ROBO2: variants seen among roughly 807,000 people sequenced by gnomAD.
The protein encoded by ROBO2 is roundabout guidance receptor 2, also known as roundabout homolog 2.
A neutral mutation model predicts 160.8 loss-of-function variants in ROBO2; 53 were observed. The observed-to-expected ratio is 0.33, with a 90% CI of 0.26 to 0.41. The LOEUF is 0.41. Ranked by LOEUF, ROBO2 falls within the 10% of genes least tolerant of loss-of-function variation. ROBO2 has a pLI of 1.00. For synonymous variants in ROBO2, 664 were observed against 611.7 expected, an observed-to-expected ratio of 1.09 and a Z score of -1.26; for missense variants, 1,577 against 1,722.4, an observed-to-expected ratio of 0.92 and a Z score of 1.49.
chr3:75,910,838 T>C (rs1319390875), intron 1 of ROBO2, among the ~76,000 whole-genome samples: 1 of 152,122 alleles, frequency 6.6e-6, no homozygotes, highest in African/African-American at 2.4e-5. Flanking sequence ...CAGAAGATAC[T>C]GAACAAATAT....
At chr3:77,491,253 TCC>T in intron 4 of ROBO2, among the ~76,000 whole-genome samples, 1 of 152,188 alleles carries the variant, frequency 6.6e-6, no homozygotes, top group Non-Finnish European at 1.5e-5. Flanking sequence ...AGCTTGTTCA[TCC>T]CAGTGTCAGG....
At chr3:76,087,188 A>G (rs1007324571) in intron 2 of ROBO2, among the ~76,000 whole-genome samples, 9 of 152,094 alleles carry the variant, frequency 5.9e-5, no homozygotes, top group Non-Finnish European at 1.0e-4. Context: ...AGAAGGATAA[A>G]TGCCAGAAAA....
chr3:76,017,572 G>A (rs548208432), intron 2 of ROBO2, among the ~76,000 whole-genome samples: 1 of 152,162 alleles, frequency 6.6e-6, no homozygotes, highest in African/African-American at 2.4e-5. Flanking sequence ...CATCATCTCA[G>A]CCACCTCACA....
intron 2 of ROBO2, among the ~76,000 whole-genome samples, chr3:76,765,691 C>G (rs2061541607): frequency 6.6e-6 from 1 of 151,594 alleles, no homozygotes; most frequent in Non-Finnish European, 1.5e-5. Context: ...GTATGTGCTG[C>G]CTGCCAGGTT....
chr3:76,463,287 C>A (rs1227101473), intron 2 of ROBO2, among the ~76,000 whole-genome samples: 2 of 152,024 alleles, frequency 1.3e-5, no homozygotes, highest in African/African-American at 2.4e-5. Context: ...GGTACCCTAA[C>A]TTCTTCCCTA....
intron 2 of ROBO2, among the ~76,000 whole-genome samples, chr3:76,071,269 A>G (rs2068445336): frequency 6.6e-6 from 1 of 152,146 alleles, no homozygotes; most frequent in South Asian, 2.1e-4. Flanking sequence ...GATTCCCACA[A>G]AACACTTTTG....
chr3:76,691,896 C>A (rs2092809950), intron 2 of ROBO2, among the ~76,000 whole-genome samples: 1 of 152,120 alleles, frequency 6.6e-6, no homozygotes. Context: ...TAGTGACGAA[C>A]AATCACGAGT....
chr3:76,611,601 G>T lies in ROBO2; in HGVS notation c.110-486413G>T, dbSNP rs558919919. On this transcript the variant is annotated intron_variant, in intron 2 of 26. Coordinates refer to the ROBO2 transcript ENST00000487694. ...TCTAAGGATCCTTTGAATTTCTGTA[G>T]TATCAGTTGTAATGTTTCAGTTTTC... Among the ~76,000 whole-genome samples, 52 of 152,196 alleles carry T rather than the reference G, an allele frequency of 3.4e-4. No homozygotes were observed. In the Middle Eastern group the frequency reaches 0.01, roughly 30 times the overall value.
chr3:76,910,635 A>G (rs2075915603), intron 2 of ROBO2, among the ~76,000 whole-genome samples: 1 of 147,792 alleles, frequency 6.8e-6, no homozygotes, highest in South Asian at 2.2e-4. Flanking sequence ...CTGAGGCAGG[A>G]GAATCGCTTG....
At chr3:76,930,668 A>G (rs2077280541) in intron 2 of ROBO2, among the ~76,000 whole-genome samples, 1 of 152,192 alleles carries the variant, frequency 6.6e-6, no homozygotes, top group Non-Finnish European at 1.5e-5. Flanking sequence ...AGAAATGGGA[A>G]AGCTGGTAAT....
intron 2 of ROBO2, among the ~76,000 whole-genome samples, chr3:77,155,863 C>G (rs1195663455): frequency 2.0e-5 from 3 of 151,854 alleles, no homozygotes; most frequent in African/African-American, 7.3e-5. Context: ...CTTCCATGGT[C>G]TTTCACTTCC....
intron 5 of ROBO2, among the ~76,000 whole-genome samples, chr3:77,497,035 G>A (rs2153603592): frequency 6.6e-6 from 1 of 152,180 alleles, no homozygotes; most frequent in South Asian, 2.1e-4. Flanking sequence ...AGCATAGCAA[G>A]TCTAACAATA....
chr3:77,195,428 G>T (rs13064244), intron 2 of ROBO2, among the ~76,000 whole-genome samples: 1 of 151,936 alleles, frequency 6.6e-6, no homozygotes. Context: ...TCAAATGAAG[G>T]TAAATGCACT....
chr3:75,982,983 G>A (rs191988756), intron 2 of ROBO2, among the ~76,000 whole-genome samples: 27 of 151,588 alleles, frequency 1.8e-4, no homozygotes, highest in African/African-American at 6.5e-4. Context: ...ACTAGCACTC[G>A]CAATGTGAGG....
chr3:77,516,409 T>C (rs2090025317), intron 5 of ROBO2, among the ~76,000 whole-genome samples: 1 of 151,620 alleles, frequency 6.6e-6, no homozygotes, highest in African/African-American at 2.4e-5. Context: ...CATATTTTAT[T>C]TTCATAAGAC....
intron 2 of ROBO2, among the ~76,000 whole-genome samples, chr3:76,896,842 A>T (rs1433374550): frequency 6.6e-6 from 1 of 152,194 alleles, no homozygotes; most frequent in African/African-American, 2.4e-5. Flanking sequence ...CTAAACTTTT[A>T]GGAAATTTCT....
chr3:76,690,230 T>C (rs1363610364), intron 2 of ROBO2, among the ~76,000 whole-genome samples: 1 of 151,980 alleles, frequency 6.6e-6, no homozygotes, highest in Non-Finnish European at 1.5e-5. Flanking sequence ...AATCATGGAG[T>C]ATCTGTGGAG....
intron 1 of ROBO2, 134 bp downstream of exon 1, chr3:77,040,980 G>T: frequency 2.7e-6 from 3 of 1,128,466 alleles, no homozygotes; most frequent in African/African-American, 1.6e-5. Flanking sequence ...CCCGGCACGG[G>T]CTCCTTGGGG....
chr3:76,390,393 A>T (rs1167417229), intron 2 of ROBO2, among the ~76,000 whole-genome samples: 2 of 152,222 alleles, frequency 1.3e-5, no homozygotes, highest in East Asian at 3.9e-4. Context: ...ATATTTTGAA[A>T]CTGTCTTATT....
Sources: allele counts gnomAD v4.1 joint callset (sites outside exome capture counted in the v4.1 genomes callset), GRCh38; gene constraint gnomAD v4.1.1; transcripts MANE v1.5; gene names NCBI Gene and HGNC (gene_info 2026-07-23, HGNC 2026-07-21).